FAM135B: variants seen among roughly 807,000 people sequenced by gnomAD.
FAM135B encodes the protein family with sequence similarity 135 member B.
Under a neutral mutation model 127.7 loss-of-function variants are expected in FAM135B, and 43 were observed. That is an observed-to-expected ratio of 0.34 (90% confidence interval 0.26 to 0.43). The LOEUF is 0.43. Among genes scored for constraint, FAM135B ranks in the 20% least tolerant of loss-of-function variants. The probability of loss-of-function intolerance (pLI) is 1.00; values close to 1 mark genes in which losing one functional copy is unlikely to be tolerated. For missense variants in FAM135B, 1,558 were observed against 1,725.6 expected (o/e 0.90, Z 1.72); for synonymous variants, 670 against 665.1 (o/e 1.01, Z -0.11).
intron 7 of FAM135B, among the ~76,000 whole-genome samples, chr8:138,236,620 C>T (rs1165312454): frequency 6.6e-6 from 1 of 152,164 alleles, no homozygotes; most frequent in Non-Finnish European, 1.5e-5. Flanking sequence ...TAAACTCTCC[C>T]AGTCTCAATG....
intron 2 of FAM135B, among the ~76,000 whole-genome samples, chr8:138,342,141 T>C (rs1164637057): frequency 6.6e-6 from 1 of 152,132 alleles, no homozygotes; most frequent in Non-Finnish European, 1.5e-5. Context: ...CACCATGAAA[T>C]AGGTTTTCTT....
intron 2 of FAM135B, among the ~76,000 whole-genome samples, chr8:138,346,807 T>C (rs576531718): frequency 1.3e-5 from 2 of 152,314 alleles, no homozygotes; most frequent in South Asian, 4.1e-4. Flanking sequence ...ACCCTGCACA[T>C]GTACCCTGGA....
At chr8:138,288,393 C>T (rs1366121096) in intron 3 of FAM135B, among the ~76,000 whole-genome samples, 2 of 151,948 alleles carry the variant, frequency 1.3e-5, no homozygotes, top group Non-Finnish European at 2.9e-5. Context: ...TTGGGGATAT[C>T]CGGGGTGCTG....
rs184459363 is a variant in FAM135B at position 138,183,809 on chromosome 8, G to C, written c.874-5119C>G. Among the ~76,000 whole-genome samples the C allele has an allele frequency of 2.8e-3, 426 of 152,348 alleles. 3 individuals are homozygous for C. The highest frequency in any genetic ancestry group is 9.6e-3 in the African/African-American group (401 of 41,582). On this transcript the variant is annotated intron_variant, in intron 9 of 19. Transcript: ENST00000395297. ...TCCAACATCTTGTTGAGTTCAGTTT[G>C]ATAATTACTTTGGGATCTATTCTCT...
intron 2 of FAM135B, among the ~76,000 whole-genome samples, chr8:138,365,125 G>C (rs1563938682): frequency 6.6e-6 from 1 of 152,154 alleles, no homozygotes; most frequent in African/African-American, 2.4e-5. Context: ...GGGATTACAG[G>C]CGTGAGTCAC....
chr8:138,415,477 C>T (rs1834091708), intron 1 of FAM135B, among the ~76,000 whole-genome samples: 2 of 152,148 alleles, frequency 1.3e-5, no homozygotes, highest in African/African-American at 4.8e-5. Context: ...TGGAACTTTC[C>T]AGGCCAGCTC....
At chr8:138,281,879 T>C (rs920072289) in intron 3 of FAM135B, among the ~76,000 whole-genome samples, 1 of 152,198 alleles carries the variant, frequency 6.6e-6, no homozygotes, top group Non-Finnish European at 1.5e-5. Context: ...GGCACATTAA[T>C]GGCTCACTGC....
Position 138,148,147 on chromosome 8 carries a change from A to T in FAM135B, c.3448+373T>A, listed in dbSNP as rs967371824. 5.9e-5 allele frequency among the ~76,000 whole-genome samples: 9 copies of T among 152,326 alleles called. No homozygotes were observed. In the East Asian group the frequency reaches 1.7e-3, roughly 29 times the overall value. On this transcript the variant is annotated intron_variant, in intron 14 of 19. Coordinates refer to ENST00000395297, the MANE Select transcript of FAM135B (RefSeq NM_015912.4). ...TGGATTCAAATTACTGTATTCATGCACTTCATTAATATATTCATTCCCATA... is the reference window on the plus strand; with the variant it reads ...TGGATTCAAATTACTGTATTCATGCTCTTCATTAATATATTCATTCCCATA...
chr8:138,382,442 T>C (rs1236942874), intron 1 of FAM135B, among the ~76,000 whole-genome samples: 1 of 152,044 alleles, frequency 6.6e-6, no homozygotes, highest in African/African-American at 2.4e-5. Context: ...GCTCATAGTC[T>C]CACAGGGATA....
intron 6 of FAM135B, 108 bp downstream of exon 6, chr8:138,250,733 G>T (rs1821633735): frequency 8.0e-7 from 1 of 1,256,224 alleles, no homozygotes; most frequent in Non-Finnish European, 1.1e-6. Flanking sequence ...CAGCCTTAGA[G>T]AAACTCCCTT....
chr8:138,165,823 G>A (rs1427257177), intron 12 of FAM135B, among the ~76,000 whole-genome samples: 2 of 152,108 alleles, frequency 1.3e-5, no homozygotes, highest in Non-Finnish European at 2.9e-5. Flanking sequence ...AGGCTCTCTG[G>A]CCTGTACACT....
At chr8:138,194,600 G>A (rs992426541) in intron 9 of FAM135B, among the ~76,000 whole-genome samples, 1 of 152,182 alleles carries the variant, frequency 6.6e-6, no homozygotes, top group Non-Finnish European at 1.5e-5. Context: ...GTGTCAGTTT[G>A]GGGGATGAGA....
At position 138,152,164 on chromosome 8, in the gene FAM135B, C is replaced by A. The variant is rs774975105; in HGVS notation, c.2311G>T (p.Val771Leu). ...GGGCTACTGATGTGGGGAGCAGATA[C>A]AGACTTGGTTAACTTAGTGAGTGCC... ...EVALTKLTKS[V>L]SAPHISSPEE... The change falls in exon 13 of 20, where the codon GTA becomes TTA. Residue 771 changes from valine (V) to leucine (L), a missense_variant. Transcript: ENST00000395297. The A allele has an allele frequency of 6.2e-7, 1 of 1,614,026 alleles. No homozygotes were observed. The highest frequency in any genetic ancestry group is 8.5e-7 in the Non-Finnish European group (1 of 1,180,030).
intron 1 of FAM135B, among the ~76,000 whole-genome samples, chr8:138,413,807 G>A (rs1443092216): frequency 6.6e-6 from 1 of 152,058 alleles, no homozygotes; most frequent in Non-Finnish European, 1.5e-5. Flanking sequence ...GTTCAGCAAG[G>A]CAGACAATCT....
upstream of FAM135B, among the ~76,000 whole-genome samples, chr8:138,497,502 C>T (rs1172791129): frequency 1.3e-5 from 2 of 152,146 alleles, no homozygotes; most frequent in African/African-American, 2.4e-5. Flanking sequence ...GAAAAGGGTC[C>T]CTGCAGATAT....
chr8:138,208,583 C>A (rs1389027153), intron 7 of FAM135B, among the ~76,000 whole-genome samples: 1 of 152,178 alleles, frequency 6.6e-6, no homozygotes. Context: ...CAGAGTCCCA[C>A]AAAAACATCA....
chr8:138,164,830 C>T (rs564360789), intron 12 of FAM135B, among the ~76,000 whole-genome samples: 1 of 152,364 alleles, frequency 6.6e-6, no homozygotes, highest in South Asian at 2.1e-4. Context: ...GGGTGCATGT[C>T]CTCAACCTCA....
In FAM135B at chr8:138,243,440, T is replaced by G. The variant is rs1160683983; in HGVS notation, c.543-372A>C. On this transcript the variant is annotated intron_variant, in intron 6 of 19. Coordinates refer to ENST00000395297, the MANE Select transcript of FAM135B (RefSeq NM_015912.4). The surrounding 1 kb of genome is among the most constrained non-coding windows in gnomAD (Gnocchi z 7.5). ...CAACTCTGACCAGACAAGGTCTGAG[T>G]CCTGTCCCTGCTCCTTCCACCAACT... Among the ~76,000 whole-genome samples the G allele has an allele frequency of 6.6e-6, 1 of 152,124 alleles. No homozygotes were observed. Among genetic ancestry groups the G allele is most frequent in the Non-Finnish European group, 1.5e-5 (1 of 68,024 alleles).
chr8:138,148,527 G>C lies in FAM135B; in HGVS notation c.3441C>G (p.Gly1147=), dbSNP rs940732655. 22 of 1,613,724 alleles carry C rather than the reference G, an allele frequency of 1.4e-5. No individual in the cohort carries two copies. In the Admixed American group the frequency reaches 1.5e-4, roughly 11 times the overall value. ...DGIHLVVCVH[G]LDGNSADLRL... is the part of the protein sequence containing the mutation. ...ACTTGTTTTAGAACTCACCATCCAG[G>C]CCATGGACACAGACAACCAGGTGAA... Residue 1147 remains glycine, a synonymous_variant, in exon 14 of 20, where the codon GGC becomes GGG. Transcript: ENST00000395297.
Sources: allele counts gnomAD v4.1 joint callset (sites outside exome capture counted in the v4.1 genomes callset), GRCh38; gene constraint gnomAD v4.1.1; non-coding constraint Gnocchi (gnomAD v3.1); transcripts MANE v1.5; gene names NCBI Gene and HGNC (gene_info 2026-07-23, HGNC 2026-07-21).